Variants in RBFOX1 observed in about 807,000 individuals in gnomAD.
RBFOX1 encodes RNA binding fox-1 homolog 1, also known as RNA binding protein fox-1 homolog 1.
RBFOX1 carries 8 observed loss-of-function variants against 57.7 expected under a neutral mutation model. That is an observed-to-expected ratio of 0.14 (90% CI 0.08 to 0.25). RBFOX1 has a LOEUF of 0.25. RBFOX1 is among the 10% of genes least tolerant of loss of function. RBFOX1 has a pLI of 1.00. For missense variants in RBFOX1, 611 were observed against 548.5 expected (o/e 1.11, Z -1.14); for synonymous variants, 326 against 222.4 (o/e 1.47, Z -4.15).
chr16:6,748,007 G>T (rs1223543225), intron 3 of RBFOX1, among the ~76,000 whole-genome samples: 1 of 152,132 alleles, frequency 6.6e-6, no homozygotes, highest in South Asian at 2.1e-4. Flanking sequence ...GACTTAGGTT[G>T]TATGATTTGA....
intron 5 of RBFOX1, among the ~76,000 whole-genome samples, chr16:7,567,535 G>T (rs1244181657): frequency 4.8e-5 from 4 of 82,726 alleles, no homozygotes; most frequent in Non-Finnish European, 7.7e-5. Flanking sequence ...CCCTATGTAT[G>T]GCCCTATATG....
chr16:6,037,189 G>T (rs565770866), intron 1 of RBFOX1: 2 of 152,280 alleles, frequency 1.3e-5, no homozygotes, highest in Non-Finnish European at 1.5e-5. Flanking sequence ...TGCAGTTAAT[G>T]CTAAAGTGTT....
chr16:6,153,052 T>G (rs2096810550), intron 1 of RBFOX1, among the ~76,000 whole-genome samples: 1 of 148,938 alleles, frequency 6.7e-6, no homozygotes. Context: ...TTTTTTTTGT[T>G]AATTTTATGT....
At chr16:7,358,937 A>G (rs1022485991) in intron 4 of RBFOX1, among the ~76,000 whole-genome samples, 4 of 152,348 alleles carry the variant, frequency 2.6e-5, no homozygotes, top group African/African-American at 2.4e-5. Context: ...TTTCGGATCC[A>G]TAAAGTAAAA....
At chr16:7,676,055 AT>A (rs1297552715) in intron 13 of RBFOX1, among the ~76,000 whole-genome samples, 1 of 152,174 alleles carries the variant, frequency 6.6e-6, no homozygotes. Context: ...AATGTTAATT[AT>A]TTTTTCTTTT....
intron 1 of RBFOX1, among the ~76,000 whole-genome samples, chr16:5,453,135 T>C (rs534993155): frequency 6.6e-6 from 1 of 152,278 alleles, no homozygotes; most frequent in Non-Finnish European, 1.5e-5. Flanking sequence ...CCTACCTTCC[T>C]CCTTTTTCTC....
At chr16:6,533,968 T>C (rs1470373629) in intron 2 of RBFOX1, among the ~76,000 whole-genome samples, 2 of 152,162 alleles carry the variant, frequency 1.3e-5, no homozygotes, top group South Asian at 2.1e-4. Flanking sequence ...ATGTATATTA[T>C]ATATATGTGT....
chr16:5,427,307 G>A (rs1364374013), intron 1 of RBFOX1, among the ~76,000 whole-genome samples: 1 of 152,234 alleles, frequency 6.6e-6, no homozygotes, highest in Non-Finnish European at 1.5e-5. Context: ...CAACGTGGCT[G>A]GGCACGGTGG....
chr16:5,662,284 T>G (rs1567363523), intron 3 of RBFOX1, among the ~76,000 whole-genome samples: 1 of 152,208 alleles, frequency 6.6e-6, no homozygotes, highest in Non-Finnish European at 1.5e-5. Flanking sequence ...TTTATGCTCT[T>G]AGAACATATT....
rs182031074 is a variant in RBFOX1 at position 6,965,235 on chromosome 16, C to T, written c.-15-86822C>T. ...TAATGAAAAGGAAAGCATTGCTTTG[C>T]ACTCATTTGGGTGTAAAAAATGGAG... is the stretch of plus-strand genomic sequence containing the variant. On this transcript the variant is annotated intron_variant, in intron 3 of 15. Coordinates refer to ENST00000550418, the MANE Select transcript of RBFOX1 (RefSeq NM_018723.4). 2.7e-4 allele frequency among the ~76,000 whole-genome samples: 41 copies of T among 152,106 alleles called. 1 individual carries two copies. Among genetic ancestry groups the T allele is most frequent in the Admixed American group, 6.6e-4 (10 of 15,266 alleles).
chr16:6,735,289 C>A (rs569211291), intron 3 of RBFOX1, among the ~76,000 whole-genome samples: 1 of 152,308 alleles, frequency 6.6e-6, no homozygotes, highest in East Asian at 1.9e-4. Context: ...AACTCAGCCA[C>A]TCACCAGTGG....
intron 4 of RBFOX1, among the ~76,000 whole-genome samples, chr16:7,160,014 T>A (rs1057292878): frequency 6.6e-6 from 1 of 152,182 alleles, no homozygotes; most frequent in Non-Finnish European, 1.5e-5. Flanking sequence ...TTTCTTGACA[T>A]ATCTAAGCAT....
chr16:5,882,419 C>T (rs749254017), intron 4 of RBFOX1, among the ~76,000 whole-genome samples: 14 of 152,144 alleles, frequency 9.2e-5, no homozygotes, highest in Non-Finnish European at 1.2e-4. Flanking sequence ...CTTTTGCCCC[C>T]CTCCCATTGG....
chr16:6,211,819 CT>C (rs200639586), intron 1 of RBFOX1, among the ~76,000 whole-genome samples: 1 of 142,288 alleles, frequency 7.0e-6, no homozygotes, highest in Non-Finnish European at 1.5e-5. Context: ...AGGAATACAT[CT>C]TTTATTTATT....
At chr16:7,221,352 T>A (rs1201379956) in intron 4 of RBFOX1, among the ~76,000 whole-genome samples, 1,556 of 149,816 alleles carry the variant, frequency 0.01, 24 homozygotes, top group African/African-American at 0.03. Flanking sequence ...TGATTATTTA[T>A]TTATTTATTT....
At chr16:6,252,836 G>T (rs2097629284) in intron 1 of RBFOX1, among the ~76,000 whole-genome samples, 1 of 152,302 alleles carries the variant, frequency 6.6e-6, no homozygotes, top group South Asian at 2.1e-4. Context: ...ACATGTTGCT[G>T]TTCGATGGGT....
In RBFOX1 at chr16:6,699,197, A is replaced by C. The variant is rs150518171; in HGVS notation, c.-16+44547A>C. Among the ~76,000 whole-genome samples the C allele has an allele frequency of 5.7e-3, 865 of 152,190 alleles. 7 individuals carry two copies. The highest frequency in any genetic ancestry group is 0.02 in the African/African-American group (824 of 41,518). On this transcript the variant is annotated intron_variant, in intron 3 of 15. Coordinates refer to ENST00000550418, the MANE Select transcript of RBFOX1 (RefSeq NM_018723.4). ...TTTTAAACCATTTTTATCAGTATGC[A>C]AGGCAGCATATGGACTACTGTTCTG...
At chr16:7,346,408 G>A (rs965337075) in intron 4 of RBFOX1, among the ~76,000 whole-genome samples, 5 of 152,036 alleles carry the variant, frequency 3.3e-5, no homozygotes, top group African/African-American at 1.2e-4. Flanking sequence ...TCATTAAGGA[G>A]CATTTTGTAC....
intron 11 of RBFOX1, among the ~76,000 whole-genome samples, chr16:7,632,852 AT>A (rs1249658254): frequency 6.6e-6 from 1 of 152,238 alleles, no homozygotes; most frequent in Non-Finnish European, 1.5e-5. Flanking sequence ...CTATATGATG[AT>A]ATGACATATC....
Sources: allele counts gnomAD v4.1 joint callset (sites outside exome capture counted in the v4.1 genomes callset), GRCh38; gene constraint gnomAD v4.1.1; transcripts MANE v1.5; gene names NCBI Gene and HGNC (gene_info 2026-07-23, HGNC 2026-07-21).